Variants in KAZN observed in about 807,000 individuals in gnomAD.
KAZN encodes the protein kazrin, periplakin interacting protein.
A neutral mutation model predicts 87.4 loss-of-function variants in KAZN; 40 were observed. The ratio of observed to expected loss-of-function variants is 0.46; its 90% CI spans 0.36 to 0.60. The LOEUF is 0.60. Among genes scored for constraint, KAZN ranks in the 20% least tolerant of loss-of-function variants. The probability of loss-of-function intolerance (pLI) is 0.00; values close to 1 mark genes in which losing one functional copy is unlikely to be tolerated. For synonymous variants in KAZN, 466 were observed against 458.3 expected (o/e 1.02, Z -0.22); for missense variants, 898 against 1,073.9 (o/e 0.84, Z 2.29).
At chr1:14,536,688 C>T (rs1171550883) in intron 2 of KAZN, among the ~76,000 whole-genome samples, 1 of 152,160 alleles carries the variant, frequency 6.6e-6, no homozygotes, top group Non-Finnish European at 1.5e-5. Context: ...TCAAGACCAG[C>T]CTGGTCAACA....
At chr1:14,656,877 A>T (rs1242512007) in intron 1 of KAZN, among the ~76,000 whole-genome samples, 1 of 152,178 alleles carries the variant, frequency 6.6e-6, no homozygotes, top group Non-Finnish European at 1.5e-5. Flanking sequence ...AATTCAAACC[A>T]TATCGCATAT....
chr1:14,231,406 T>TA (rs1246641936), intron 2 of KAZN, among the ~76,000 whole-genome samples: 1 of 146,738 alleles, frequency 6.8e-6, no homozygotes, highest in African/African-American at 2.5e-5. Flanking sequence ...TTTTTTTTTT[T>TA]AGCATGGCCC....
At chr1:14,842,782 G>A (rs1027411854) in intron 1 of KAZN, among the ~76,000 whole-genome samples, 2 of 152,154 alleles carry the variant, frequency 1.3e-5, no homozygotes, top group African/African-American at 2.4e-5. Flanking sequence ...AGTAATACAT[G>A]CACATAATTT....
At chr1:14,382,458 T>TCCCTCCCCCCTCCC (rs554216930) in intron 2 of KAZN, among the ~76,000 whole-genome samples, 8 of 38,054 alleles carry the variant, frequency 2.1e-4, no homozygotes, top group Admixed American at 2.4e-4. Context: ...CCCAATGCTA[T>TCCCTCCCCCCTCCC]CCCTCCCCCC....
intron 2 of KAZN, among the ~76,000 whole-genome samples, chr1:14,205,533 T>A (rs1646721312): frequency 1.3e-5 from 2 of 152,148 alleles, no homozygotes; most frequent in South Asian, 4.1e-4. Context: ...ACTGTGGCAG[T>A]GAAAACAGGA....
chr1:13,901,154 A>G (rs999534905), intron 1 of KAZN, among the ~76,000 whole-genome samples: 1 of 152,100 alleles, frequency 6.6e-6, no homozygotes, highest in East Asian at 1.9e-4. Flanking sequence ...GTCCCCTCCA[A>G]TCACAAAAGG....
chr1:14,269,191 C>CAATTT (rs1264861527), intron 2 of KAZN, among the ~76,000 whole-genome samples: 3 of 152,032 alleles, frequency 2.0e-5, no homozygotes, highest in African/African-American at 7.3e-5. Flanking sequence ...TTAGATATTA[C>CAATTT]AATTTCATGG....
At chr1:14,513,293 G>A (rs1030768039) in intron 2 of KAZN, among the ~76,000 whole-genome samples, 2 of 152,096 alleles carry the variant, frequency 1.3e-5, no homozygotes, top group Non-Finnish European at 2.9e-5. Context: ...AGGTTTCTCC[G>A]ACTCCCACAG....
chr1:14,897,969 G>A (rs116734451), intron 1 of KAZN, among the ~76,000 whole-genome samples: 2,276 of 152,312 alleles, frequency 0.015, 59 homozygotes, highest in African/African-American at 0.052. Context: ...AGCTATGGAG[G>A]AAACACCCAT....
At chr1:14,890,637 G>A (rs1478515313) in intron 1 of KAZN, among the ~76,000 whole-genome samples, 1 of 152,124 alleles carries the variant, frequency 6.6e-6, no homozygotes, top group Non-Finnish European at 1.5e-5. Flanking sequence ...TCAGTATACA[G>A]ACTTCCGGGC....
At chr1:14,572,055 G>A (rs184933205) in intron 2 of KAZN, among the ~76,000 whole-genome samples, 1 of 152,282 alleles carries the variant, frequency 6.6e-6, no homozygotes, top group Admixed American at 6.5e-5. Context: ...CTGCAGCTTC[G>A]GGGGAGGTAC....
intron 2 of KAZN, among the ~76,000 whole-genome samples, chr1:14,565,596 G>C (rs898783995): frequency 6.6e-6 from 1 of 152,158 alleles, no homozygotes; most frequent in African/African-American, 2.4e-5. Flanking sequence ...AGCATGCAAT[G>C]CTGTTTGCAT....
At chr1:14,282,862 A>G (rs867802009) in intron 2 of KAZN, among the ~76,000 whole-genome samples, 3 of 152,166 alleles carry the variant, frequency 2.0e-5, no homozygotes, top group African/African-American at 4.8e-5. Context: ...AAGATAATAG[A>G]TGCTAATGTC....
Position 14,867,787 on chromosome 1 carries a change from A to T in KAZN, c.227-92897A>T, listed in dbSNP as rs1194223654. On this transcript the variant is annotated intron_variant, in intron 1 of 14. Transcript: ENST00000376030. ...AAGGGCAGCAGGCAGGTCAGCTGGC[A>T]TGGCCCCTCGTCTGGGGCTTGTCCC... is the stretch of plus-strand genomic sequence containing the variant. Among the ~76,000 whole-genome samples the T allele has an allele frequency of 2.4e-5, 3 of 126,526 alleles. No individual in the cohort carries two copies. The Admixed American group carries it at 3.0e-4, about 13-fold the overall frequency. The allele number at this position is 126,526 out of a possible 152,430, so 83.0% of individuals were successfully genotyped here.
chr1:14,485,750 G>A (rs913394954), intron 2 of KAZN, among the ~76,000 whole-genome samples: 11 of 151,874 alleles, frequency 7.2e-5, no homozygotes, highest in African/African-American at 1.9e-4. Context: ...AAAATTAGCC[G>A]GGCATGCTGG....
chr1:14,299,639 T>C (rs914761482), intron 2 of KAZN, among the ~76,000 whole-genome samples: 9 of 152,202 alleles, frequency 5.9e-5, no homozygotes, highest in Admixed American at 3.9e-4. Flanking sequence ...CACCCATAGT[T>C]CTGCTGGGCT....
intron 2 of KAZN, among the ~76,000 whole-genome samples, chr1:14,233,241 T>C (rs1648038942): frequency 6.6e-6 from 1 of 152,156 alleles, no homozygotes; most frequent in Non-Finnish European, 1.5e-5. Context: ...AACTGATCCT[T>C]CTGCCTCAGC....
chr1:13,919,119 A>C (rs1639968260), intron 1 of KAZN, among the ~76,000 whole-genome samples: 1 of 152,242 alleles, frequency 6.6e-6, no homozygotes, highest in Admixed American at 6.5e-5. Flanking sequence ...GTGAGTTATC[A>C]CAAGTGAATA....
At chr1:15,047,643 C>T (rs1163588838) in intron 4 of KAZN, among the ~76,000 whole-genome samples, 1 of 152,140 alleles carries the variant, frequency 6.6e-6, no homozygotes, top group Non-Finnish European at 1.5e-5. Context: ...TGGTGGCACG[C>T]AGCTGTAATC....
Sources: allele counts gnomAD v4.1 joint callset (sites outside exome capture counted in the v4.1 genomes callset), GRCh38; gene constraint gnomAD v4.1.1; transcripts MANE v1.5; gene names NCBI Gene and HGNC (gene_info 2026-07-23, HGNC 2026-07-21).